Variants in CDH18 observed in about 807,000 individuals in gnomAD.
The protein encoded by CDH18 is cadherin-18.
Under a neutral mutation model 67.9 loss-of-function variants are expected in CDH18, and 31 were observed. The ratio of observed to expected loss-of-function variants is 0.46; its 90% CI spans 0.34 to 0.62. CDH18 has a LOEUF of 0.62. CDH18 is among the 20% of genes least tolerant of loss of function. The pLI, the probability that CDH18 is intolerant of heterozygous loss-of-function variation, is 0.01. For synonymous variants in CDH18, 362 were observed against 347.2 expected (o/e 1.04, Z -0.48); for missense variants, 890 against 975.5 (o/e 0.91, Z 1.17).
At chr5:20,565,535 C>T (rs1046212573) in intron 1 of CDH18, among the ~76,000 whole-genome samples, 2 of 152,100 alleles carry the variant, frequency 1.3e-5, no homozygotes, top group African/African-American at 4.8e-5. Flanking sequence ...ACCATCACAA[C>T]TTGACTGCTG....
At chr5:20,172,210 A>ATACATGTATATATATATATATACATG (rs1554098733) in intron 2 of CDH18, among the ~76,000 whole-genome samples, 6 of 67,458 alleles carry the variant, frequency 8.9e-5, no homozygotes, top group African/African-American at 4.2e-4. Context: ...ATATATATAT[A>ATACATGTATATATATATATATACATG]TATATATATA....
At chr5:19,573,025 T>G (rs1183093839) in intron 7 of CDH18, among the ~76,000 whole-genome samples, 1 of 152,048 alleles carries the variant, frequency 6.6e-6, no homozygotes, top group Admixed American at 6.6e-5. Flanking sequence ...AAAACTAGGG[T>G]CACAGGGACA....
At chr5:19,538,911 G>A (rs1749815137) in intron 9 of CDH18, among the ~76,000 whole-genome samples, 1 of 152,042 alleles carries the variant, frequency 6.6e-6, no homozygotes, top group Non-Finnish European at 1.5e-5. Flanking sequence ...TTCAGAAACG[G>A]TACATTAAGA....
chr5:19,597,632 T>C (rs1476971690), intron 6 of CDH18, among the ~76,000 whole-genome samples: 1 of 152,204 alleles, frequency 6.6e-6, no homozygotes, highest in Middle Eastern at 3.2e-3. Flanking sequence ...AAAAATGTCA[T>C]GAAACACACA....
At chr5:19,828,908 T>A (rs545337636) in intron 3 of CDH18, among the ~76,000 whole-genome samples, 3 of 152,046 alleles carry the variant, frequency 2.0e-5, no homozygotes, top group Non-Finnish European at 4.4e-5. Context: ...CGTGGTGGCA[T>A]GTGCCTGTAA....
intron 5 of CDH18, among the ~76,000 whole-genome samples, chr5:19,659,720 C>T (rs555184638): frequency 1.3e-5 from 2 of 152,202 alleles, no homozygotes; most frequent in East Asian, 3.9e-4. Context: ...CTTCTGCCTT[C>T]TGCCATGTGA....
At chr5:19,837,985 T>C (rs16888205) in intron 3 of CDH18, among the ~76,000 whole-genome samples, 4,528 of 152,066 alleles carry the variant, frequency 0.03, 149 homozygotes, top group African/African-American at 0.085. Context: ...TGACACATGC[T>C]TAAACTCTCC....
chr5:19,594,730 G>A (rs905294873), intron 6 of CDH18, among the ~76,000 whole-genome samples: 8 of 151,888 alleles, frequency 5.3e-5, no homozygotes, highest in Non-Finnish European at 1.2e-4. Flanking sequence ...ATTGTTCTTT[G>A]CTCTCCCTGT....
intron 7 of CDH18, among the ~76,000 whole-genome samples, chr5:19,587,818 TC>T (rs1175145418): frequency 5.9e-5 from 9 of 152,140 alleles, no homozygotes; most frequent in Non-Finnish European, 1.2e-4. Context: ...TTTCTAATTC[TC>T]TGAAGAATGT....
chr5:20,301,534 AT>A (rs1435453162), intron 1 of CDH18, among the ~76,000 whole-genome samples: 3 of 152,182 alleles, frequency 2.0e-5, no homozygotes. Context: ...ACAAATCAGT[AT>A]CTACTCAAAT....
Position 19,654,913 on chromosome 5 carries a change from C to CT in CDH18, c.644-42313dup, listed in dbSNP as rs1756122556. 7.2e-5 allele frequency among the ~76,000 whole-genome samples: 11 copies of CT among 152,176 alleles called. No individual in the cohort carries two copies. In the South Asian group the frequency reaches 2.3e-3, roughly 32 times the overall value. ...CTGAATTACTCTCGACATTCAGACA[C>CT]TCCTCTGCCATGCTGCTCTTCTGCT... is the stretch of plus-strand genomic sequence containing the variant. On this transcript the variant is annotated intron_variant, in intron 5 of 12. Transcript: ENST00000382275.
chr5:19,784,850 A>G (rs1420840867), intron 3 of CDH18, among the ~76,000 whole-genome samples: 1 of 152,158 alleles, frequency 6.6e-6, no homozygotes, highest in Admixed American at 6.5e-5. Flanking sequence ...CTTCATCCAC[A>G]TAAGAAGAAC....
chr5:20,534,652 C>A (rs1488175446), intron 1 of CDH18, among the ~76,000 whole-genome samples: 2 of 151,978 alleles, frequency 1.3e-5, no homozygotes, highest in African/African-American at 2.4e-5. Context: ...AAATTTGGAA[C>A]TATGTAGCTC....
intron 1 of CDH18, among the ~76,000 whole-genome samples, chr5:20,391,644 TA>T (rs1744870373): frequency 6.6e-6 from 1 of 152,040 alleles, no homozygotes; most frequent in Non-Finnish European, 1.5e-5. Context: ...TTACATTACT[TA>T]AAATTTCATT....
chr5:19,909,678 AGTAG>A (rs1790917535), intron 2 of CDH18, among the ~76,000 whole-genome samples: 1 of 122,530 alleles, frequency 8.2e-6, no homozygotes, highest in Non-Finnish European at 1.7e-5. Context: ...AAAGTTGCCC[AGTAG>A]GTCAAATGGC....
intron 1 of CDH18, among the ~76,000 whole-genome samples, chr5:20,400,550 C>T (rs576015282): frequency 1.3e-5 from 2 of 149,610 alleles, no homozygotes; most frequent in East Asian, 2.0e-4. Flanking sequence ...CACTTGAGGC[C>T]GGGAGATTGA....
chr5:19,831,460 C>T (rs1321576062), intron 3 of CDH18, among the ~76,000 whole-genome samples: 1 of 152,000 alleles, frequency 6.6e-6, no homozygotes, highest in Non-Finnish European at 1.5e-5. Flanking sequence ...ACAGACACTT[C>T]TCAAAAGAAG....
At chr5:19,755,233 A>G (rs1208168174) in intron 3 of CDH18, among the ~76,000 whole-genome samples, 1 of 150,806 alleles carries the variant, frequency 6.6e-6, no homozygotes, top group Non-Finnish European at 1.5e-5. Context: ...AAGAAATAAA[A>G]AGCTGGTTCT....
At chr5:19,493,688 A>T (rs1187422699) in intron 11 of CDH18, among the ~76,000 whole-genome samples, 1 of 152,094 alleles carries the variant, frequency 6.6e-6, no homozygotes, top group South Asian at 2.1e-4. Flanking sequence ...TCAATTTATC[A>T]TTGTTTTTAT....
Sources: gnomAD v4.1 joint callset for allele counts (sites outside exome capture counted in the v4.1 genomes callset) on GRCh38, gnomAD v4.1.1 for gene constraint, MANE v1.5 for transcripts, NCBI Gene and HGNC (gene_info 2026-07-23, HGNC 2026-07-21) for gene names.